Variants in ZWINT observed in about 807,000 individuals in gnomAD.
ZWINT encodes ZW10 interacting kinetochore protein, also known as outer kinetochore KNL1 complex subunit ZWINT.
Under a neutral mutation model 41.5 loss-of-function variants are expected in ZWINT, and 41 were observed. That is an observed-to-expected ratio of 0.99 (90% confidence interval 0.77 to 1.28). The LOEUF is 1.28. ZWINT is among the 50% of genes most tolerant of loss of function. ZWINT has a pLI of 0.00. For synonymous variants in ZWINT, 132 were observed against 126.8 expected (o/e 1.04, Z -0.28); for missense variants, 369 against 329.7 (o/e 1.12, Z -0.92).
At position 56,358,846 on chromosome 10, in the gene ZWINT, G is replaced by T; in HGVS notation, c.582C>A (p.Asn194Lys). ...ELDRVFQKLG[N>K]LKQQAEQERD... The stretch of plus-strand genomic sequence containing the variant: ...GCTCCTGTTCTGCCTGCTGCTTCAG[G>T]TTTCCAAGTTTCTGAAACACCCTGT... The change falls in exon 6 of 9, where the codon AAC (asparagine) becomes AAA (lysine). Residue 194 changes from asparagine (N) to lysine (K), a missense_variant. By Grantham distance (94) the Asn-to-Lys change is moderately conservative (BLOSUM62 0). Coordinates refer to ENST00000373944, the MANE Select transcript of ZWINT (RefSeq NM_007057.4). 1 of 1,614,032 alleles carries T rather than the reference G, an allele frequency of 6.2e-7. No individual in the cohort carries two copies. Among genetic ancestry groups the T allele is most frequent in the African/African-American group, 1.3e-5 (1 of 75,012 alleles).
At position 56,357,255 on chromosome 10, in the gene ZWINT, C is replaced by T. The variant is rs956432267; in HGVS notation, c.*972G>A. The T allele has an allele frequency of 2.0e-5, 3 of 151,980 alleles. No individual in the cohort carries two copies. The highest frequency in any genetic ancestry group is 7.2e-5 in the African/African-American group (3 of 41,392). The allele number at this position is 151,980 out of a possible 1,614,324, so 9.4% of individuals were successfully genotyped here. ...ATCAGTAAAAAAGATAATTCACTCA[C>T]CAAATTTCAAAGTTTATTAAACAGA... is the stretch of plus-strand genomic sequence containing the variant. On this transcript the variant is annotated 3_prime_UTR_variant, in exon 9 of 9. Coordinates refer to ENST00000373944, the MANE Select transcript of ZWINT (RefSeq NM_007057.4).
chr10:56,360,186 A>T (rs756219451), intron 2 of ZWINT, 45 bp from the exon 3 acceptor site: 31 of 1,612,352 alleles, frequency 1.9e-5, no homozygotes, highest in Non-Finnish European at 2.5e-5. Context: ...TTACCTCCTT[A>T]CAGGTTTCCT....
Position 56,360,038 on chromosome 10 carries a change from A to T in ZWINT, c.236T>A (p.Leu79Ter). ...CTCACGGCTCGTGTCTTCAGAAGCC[A>T]AGGGGTCGAGACCCTTAGCAGTGTC... Reference protein sequence around the residue: ...QEDTAKGLDPLASEDTSRQKA... With the variant: ...QEDTAKGLDP The change falls in exon 3 of 9, where the codon TTG (leucine) becomes TAG (stop). Residue 79 changes from leucine (L) to a stop codon, truncating the protein, a stop_gained. Transcript: ENST00000373944. LOFTEE classifies it high-confidence loss of function. The T allele has an allele frequency of 6.2e-7, 1 of 1,614,102 alleles. No homozygotes were observed.
chr10:56,361,103 T>G (rs1308398868), intron 1 of ZWINT, 93 bp downstream of exon 1: 16 of 1,420,796 alleles, frequency 1.1e-5, no homozygotes, highest in Non-Finnish European at 1.6e-5. Context: ...CCTCAACAGC[T>G]GTACAGGGTC....
chr10:56,359,414 G>A (rs1011974232), intron 5 of ZWINT, 62 bp downstream of exon 5: 10 of 1,461,904 alleles, frequency 6.8e-6, no homozygotes, highest in African/African-American at 4.2e-5. Flanking sequence ...CTAGACAGGG[G>A]ACACAGCCGA....
Position 56,359,698 on chromosome 10 carries a change from G to C in ZWINT, c.412C>G (p.Leu138Val). ...RTQLREAFEQ[L>V]QAKKQMAMEK... ...ACCCCTGGGTGTACCTTGGCCTGGAGCTGCTCAAAGGCTTCCCGGAGTTGT... is the reference window on the plus strand; with the variant it reads ...ACCCCTGGGTGTACCTTGGCCTGGACCTGCTCAAAGGCTTCCCGGAGTTGT... The change falls in exon 4 of 9, where the codon CTC becomes GTC. Residue 138 changes from leucine (L) to valine (V), a missense_variant. Transcript: ENST00000373944. 1 of 1,614,156 alleles carries C rather than the reference G, an allele frequency of 6.2e-7. No individual in the cohort carries two copies. Among genetic ancestry groups the C allele is most frequent in the Non-Finnish European group, 8.5e-7 (1 of 1,180,024 alleles).
At position 56,358,688 on chromosome 10, in the gene ZWINT, C is replaced by T. The variant is rs1430715015; in HGVS notation, c.660G>A (p.Gln220=). Residue 220 remains glutamine, a synonymous_variant, in exon 7 of 9, where the codon CAG becomes CAA. Coordinates refer to ENST00000373944, the MANE Select transcript of ZWINT (RefSeq NM_007057.4). The part of the protein sequence containing the change: ...QTFLQLLYTL[Q]GKLLFPEAEA... ...CAGCCTCAGGGAACAACAGCTTACC[C>T]TGCAGGGTATACAGAAGCTGGAGGA... is the stretch of plus-strand genomic sequence containing the variant. 2 of 1,614,154 alleles carry T rather than the reference C, an allele frequency of 1.2e-6. No homozygotes were observed.
Position 56,358,658 on chromosome 10 carries a change from A to G in ZWINT, c.690T>C (p.Ala230=), listed in dbSNP as rs1322433289. ...QGKLLFPEAE[A]EAENLPDDKP... ...TATCATCTGGAAGATTCTCTGCCTC[A>G]GCCTCAGCCTCAGGGAACAACAGCT... is the stretch of plus-strand genomic sequence containing the variant. The change falls in exon 7 of 9, where the codon GCT becomes GCC. Residue 230 remains alanine (A), a synonymous_variant. Transcript: ENST00000373944. 1.2e-6 allele frequency: 2 copies of G among 1,613,656 alleles called. No individual in the cohort carries two copies. The highest frequency in any genetic ancestry group is 1.7e-6 in the Non-Finnish European group (2 of 1,179,982).
chr10:56,359,928 C>A, intron 3 of ZWINT, 75 bp from the exon 4 acceptor site: 1 of 1,605,682 alleles, frequency 6.2e-7, no homozygotes, highest in Non-Finnish European at 8.5e-7. Context: ...CACTGGGCCT[C>A]CTTCCCATCA....
Position 56,357,780 on chromosome 10 carries a change from T to G in ZWINT, c.*447A>C, listed in dbSNP as rs1245130338. ...ATGAGCTCACTGTTATAATTCTGGT[T>G]CACCGCAAGAACCTTAGCACAAAGA... On this transcript the variant is annotated 3_prime_UTR_variant, in exon 9 of 9. Coordinates refer to ENST00000373944, the MANE Select transcript of ZWINT (RefSeq NM_007057.4). The G allele has an allele frequency of 7.7e-5, 25 of 322,856 alleles. No homozygotes were observed. The highest frequency in any genetic ancestry group is 6.3e-4 in the South Asian group (25 of 39,508). 20.0% of individuals were successfully genotyped at this position (322,856 alleles called of 1,614,324 possible).
Position 56,357,903 on chromosome 10 carries a change from A to G in ZWINT, c.*324T>C. ...TCCTCCTCCTTGAATTAAATTCACCATGTCTGCATCATAGGAGGCCCAAGG... is the reference window on the plus strand; with the variant it reads ...TCCTCCTCCTTGAATTAAATTCACCGTGTCTGCATCATAGGAGGCCCAAGG... On this transcript the variant is annotated 3_prime_UTR_variant, in exon 9 of 9. Coordinates refer to ENST00000373944, the MANE Select transcript of ZWINT (RefSeq NM_007057.4). 2.8e-6 allele frequency: 1 copy of G among 363,364 alleles called. No individual in the cohort carries two copies. The highest frequency in any genetic ancestry group is 5.4e-6 in the Non-Finnish European group (1 of 184,118). 22.5% of individuals were successfully genotyped at this position (363,364 alleles called of 1,614,324 possible).
intron 8 of ZWINT, 23 bp from the exon 9 acceptor site, chr10:56,358,208 G>A (rs1343833406): frequency 1.3e-6 from 1 of 779,794 alleles, no homozygotes; most frequent in Admixed American, 1.7e-5. Context: ...ACAGGGGTTA[G>A]CTCTGGGTGG....
chr10:56,359,437 G>T, intron 5 of ZWINT, 39 bp downstream of exon 5: 13 of 1,501,314 alleles, frequency 8.7e-6, no homozygotes, highest in Non-Finnish European at 1.2e-5. Flanking sequence ...CAATGGCATG[G>T]TGGTGGGAAG....
chr10:56,358,669 C>T lies in ZWINT; in HGVS notation c.679G>A (p.Glu227Lys). The T allele has an allele frequency of 6.2e-7, 1 of 1,614,072 alleles. No homozygotes were observed. The highest frequency in any genetic ancestry group is 8.5e-7 in the Non-Finnish European group (1 of 1,180,036). The change falls in exon 7 of 9, where the codon GAG (glutamate) becomes AAG (lysine). Residue 227 changes from glutamate to lysine, a missense_variant. Glu to Lys is a moderately conservative substitution (Grantham distance 56, BLOSUM62 1). Transcript: ENST00000373944. ...YTLQGKLLFP[E>K]AEAEAENLPD... ...AGATTCTCTGCCTCAGCCTCAGCCT[C>T]AGGGAACAACAGCTTACCCTGCAGG...
Position 56,361,227 on chromosome 10 carries a change from C to T in ZWINT, c.10G>A (p.Ala4Thr), listed in dbSNP as rs11005328. The T allele has an allele frequency of 8.7e-6, 14 of 1,612,400 alleles. No homozygotes were observed. The highest frequency in any genetic ancestry group is 8.5e-6 in the Non-Finnish European group (10 of 1,179,872). Residue 4 changes from alanine to threonine, a missense_variant, in exon 1 of 9, where the codon GCG becomes ACG. Ala to Thr is a moderately conservative substitution (Grantham distance 58). Coordinates refer to ENST00000373944, the MANE Select transcript of ZWINT (RefSeq NM_007057.4). MEA[A>T]ETEAEAAALE... The stretch of plus-strand genomic sequence containing the variant: ...GCTGCAGCTTCCGCCTCTGTCTCCG[C>T]TGCCTCCATCTTTCCAGGCGCCGAG...
At chr10:56,358,520 G>T (rs1483583260) in intron 7 of ZWINT, 36 bp downstream of exon 7, 2 of 1,613,758 alleles carry the variant, frequency 1.2e-6, no homozygotes, top group African/African-American at 2.7e-5. Context: ...GTCTCCACCT[G>T]CCAGCCCATG....
intron 5 of ZWINT, 121 bp downstream of exon 5, chr10:56,359,355 T>C (rs1838259946): frequency 1.3e-5 from 11 of 867,044 alleles, no homozygotes; most frequent in South Asian, 2.3e-5. Context: ...TTCAAGCCCA[T>C]GTTGGTATTT....
At chr10:56,359,410 A>C (rs1201416201) in intron 5 of ZWINT, 66 bp downstream of exon 5, 1 of 1,448,188 alleles carries the variant, frequency 6.9e-7, no homozygotes, top group Non-Finnish European at 9.2e-7. Flanking sequence ...TTTTCTAGAC[A>C]GGGGACACAG....
chr10:56,357,740 T>A lies in ZWINT; in HGVS notation c.*487A>T. The A allele has an allele frequency of 6.9e-6, 2 of 288,872 alleles. No homozygotes were observed. The highest frequency in any genetic ancestry group is 1.3e-5 in the Non-Finnish European group (2 of 148,342). 17.9% of individuals were successfully genotyped at this position (288,872 alleles called of 1,614,324 possible). On this transcript the variant is annotated 3_prime_UTR_variant, in exon 9 of 9. Transcript: ENST00000373944. The stretch of plus-strand genomic sequence containing the variant: ...AAGAATGTTAACACTAGGCTGTACA[T>A]CCTAAAACAGTCAGATGAGCTCACT...
Sources: allele counts gnomAD v4.1 joint callset, GRCh38; gene constraint gnomAD v4.1.1; transcripts MANE v1.5; gene names NCBI Gene and HGNC (gene_info 2026-07-23, HGNC 2026-07-21).